The following NCAM2 variants were observed in gnomAD, a reference collection of about 807,000 sequenced individuals.
NCAM2 encodes N-CAM-2.
NCAM2 carries 30 observed loss-of-function variants against 98.1 expected under a neutral mutation model. That is an observed-to-expected ratio of 0.31 (90% CI 0.23 to 0.41). The LOEUF (loss-of-function observed/expected upper bound fraction) is 0.41, where lower values mean the gene tolerates loss of function less well. NCAM2 is among the 10% of genes least tolerant of loss of function. NCAM2 has a pLI of 1.00. For missense variants in NCAM2, 867 were observed against 1,005.8 expected, an observed-to-expected ratio of 0.86 and a Z score of 1.87; for synonymous variants, 368 against 342.4, an observed-to-expected ratio of 1.07 and a Z score of -0.83.
At chr21:21,082,249 C>G (rs1322590947) in intron 1 of NCAM2, among the ~76,000 whole-genome samples, 2 of 126,316 alleles carry the variant, frequency 1.6e-5, no homozygotes, top group Non-Finnish European at 3.2e-5. Context: ...AAAAAGAATT[C>G]TCTCATGCTT....
intron 1 of NCAM2, among the ~76,000 whole-genome samples, chr21:21,111,479 T>C (rs1188207446): frequency 6.6e-6 from 1 of 151,980 alleles, no homozygotes; most frequent in Non-Finnish European, 1.5e-5. Flanking sequence ...CACAAGAAGA[T>C]CGAAGACTGA....
At chr21:21,341,053 T>C (rs536346372) in intron 8 of NCAM2, among the ~76,000 whole-genome samples, 1 of 152,220 alleles carries the variant, frequency 6.6e-6, no homozygotes, top group Admixed American at 6.6e-5. Flanking sequence ...AATTTACACA[T>C]TTTACTTTGT....
intron 1 of NCAM2, among the ~76,000 whole-genome samples, chr21:21,019,016 G>A (rs1454502856): frequency 3.3e-5 from 5 of 152,230 alleles, no homozygotes; most frequent in Non-Finnish European, 5.9e-5. Context: ...ATGGTTGGAT[G>A]CTAAATGGAT....
At chr21:21,278,831 C>T (rs1211056922) in intron 1 of NCAM2, among the ~76,000 whole-genome samples, 1 of 152,026 alleles carries the variant, frequency 6.6e-6, no homozygotes, top group African/African-American at 2.4e-5. Flanking sequence ...GTTGCTTCCT[C>T]CTGTTCTTTA....
At chr21:21,512,796 T>C (rs1988473982) in intron 16 of NCAM2, among the ~76,000 whole-genome samples, 1 of 152,082 alleles carries the variant, frequency 6.6e-6, no homozygotes, top group African/African-American at 2.4e-5. Flanking sequence ...TAGAGATGTT[T>C]TACTTATTCA....
At chr21:21,462,035 T>C (rs2408128) in intron 12 of NCAM2, among the ~76,000 whole-genome samples, 73,549 of 151,846 alleles carry the variant, frequency 0.48, 18,643 homozygotes, top group East Asian at 0.95. Flanking sequence ...CCTGCTTTTG[T>C]TTCTTTTAAT....
At chr21:21,269,936 G>C (rs1175050639) in intron 1 of NCAM2, among the ~76,000 whole-genome samples, 1 of 152,074 alleles carries the variant, frequency 6.6e-6, no homozygotes, top group East Asian at 1.9e-4. Context: ...TTATGTGACA[G>C]ATATGTTTGA....
intron 10 of NCAM2, among the ~76,000 whole-genome samples, chr21:21,414,060 G>A (rs2076938353): frequency 6.6e-6 from 1 of 152,044 alleles, no homozygotes; most frequent in African/African-American, 2.4e-5. Flanking sequence ...ACATTTTTCA[G>A]GCATCTTCAG....
intron 16 of NCAM2, among the ~76,000 whole-genome samples, chr21:21,528,164 T>C (rs1368813782): frequency 1.3e-5 from 2 of 152,020 alleles, no homozygotes; most frequent in Non-Finnish European, 2.9e-5. Context: ...CAAAAGACAC[T>C]AAAAAGATCA....
At chr21:21,534,720 A>C in intron 17 of NCAM2, 64 bp downstream of exon 17, 2 of 1,291,676 alleles carry the variant, frequency 1.5e-6, no homozygotes, top group South Asian at 2.3e-5. Context: ...ACACATTATT[A>C]TTGTTGTATT....
chr21:21,280,652 G>GGTAC lies in NCAM2; in HGVS notation c.130+4_130+7dup, dbSNP rs759556631. ...AGAATCTAAATTCTTCACATGTACA[G>GGTAC]GTACGTATTTCTGTAAATACCTTCA... On this transcript the variant is annotated frameshift_variant and splice_region_variant. Coordinates refer to ENST00000400546, the MANE Select transcript of NCAM2 (RefSeq NM_004540.5). LOFTEE classifies it high-confidence loss of function. 2.7e-5 allele frequency: 41 copies of GGTAC among 1,540,990 alleles called. No individual in the cohort carries two copies. Among genetic ancestry groups the GGTAC allele is most frequent in the Non-Finnish European group, 3.4e-5 (39 of 1,137,748 alleles).
chr21:21,351,979 A>C (rs950500362), intron 8 of NCAM2, among the ~76,000 whole-genome samples: 1 of 152,082 alleles, frequency 6.6e-6, no homozygotes, highest in Non-Finnish European at 1.5e-5. Context: ...TGAATACCTG[A>C]CTTCAGGTGA....
At chr21:21,412,296 T>G (rs2076902674) in intron 10 of NCAM2, among the ~76,000 whole-genome samples, 1 of 152,214 alleles carries the variant, frequency 6.6e-6, no homozygotes, top group Non-Finnish European at 1.5e-5. Flanking sequence ...CCTGTTGGAT[T>G]AGGTCCCACT....
chr21:21,335,599 C>T lies in NCAM2; in HGVS notation c.832C>T (p.Pro278Ser), dbSNP rs1420849547. 2 of 1,611,472 alleles carry T rather than the reference C, an allele frequency of 1.2e-6. No homozygotes were observed. The highest frequency in any genetic ancestry group is 1.1e-5 in the South Asian group (1 of 90,788). ...VRNIINSDGG[P>S]YVCRATNKAG... ...GAACATAATCAATAGTGATGGTGGT[C>T]CTTATGTCTGCAGGGCCACAAATAA... The change falls in exon 7 of 18, where the codon CCT becomes TCT. Residue 278 changes from proline to serine, a missense_variant. Physicochemically the swap from Pro to Ser is moderately conservative, Grantham distance 74. Transcript: ENST00000400546.
At chr21:21,322,286 C>T (rs911123799) in intron 5 of NCAM2, among the ~76,000 whole-genome samples, 2 of 152,066 alleles carry the variant, frequency 1.3e-5, no homozygotes, top group Non-Finnish European at 1.5e-5. Flanking sequence ...CAGCAATAGA[C>T]ACTGAGGACT....
At chr21:21,349,291 A>C (rs1019337040) in intron 8 of NCAM2, among the ~76,000 whole-genome samples, 6 of 152,186 alleles carry the variant, frequency 3.9e-5, no homozygotes, top group Non-Finnish European at 8.8e-5. Context: ...ATTTACCAAA[A>C]GAAGATACAC....
At chr21:21,052,717 A>G (rs1370691560) in intron 1 of NCAM2, among the ~76,000 whole-genome samples, 1 of 152,184 alleles carries the variant, frequency 6.6e-6, no homozygotes, top group Non-Finnish European at 1.5e-5. Flanking sequence ...AAGTTTAGAC[A>G]GATTAGAAAC....
At chr21:21,265,147 T>TAC (rs1358466868) in intron 1 of NCAM2, among the ~76,000 whole-genome samples, 4 of 118,968 alleles carry the variant, frequency 3.4e-5, no homozygotes, top group East Asian at 5.4e-4. Context: ...ATATAATATA[T>TAC]ATACATATAT....
intron 1 of NCAM2, among the ~76,000 whole-genome samples, chr21:21,168,029 G>T (rs192967873): frequency 1.3e-5 from 2 of 151,858 alleles, no homozygotes; most frequent in African/African-American, 4.8e-5. Flanking sequence ...CCAACATAGC[G>T]CATAAACATA....
Sources: gnomAD v4.1 joint callset for allele counts (sites outside exome capture counted in the v4.1 genomes callset) on GRCh38, gnomAD v4.1.1 for gene constraint, MANE v1.5 for transcripts, NCBI Gene and HGNC (gene_info 2026-07-23, HGNC 2026-07-21) for gene names.